The following MACROD2 variants were observed in gnomAD, a reference collection of about 807,000 sequenced individuals.
The protein encoded by MACROD2 is mono-ADP ribosylhydrolase 2.
Under a neutral mutation model 70.4 loss-of-function variants are expected in MACROD2, and 36 were observed. That is an observed-to-expected ratio of 0.51 (90% CI 0.39 to 0.68). MACROD2 has a LOEUF of 0.68. MACROD2 is among the 30% of genes least tolerant of loss of function. MACROD2 has a pLI of 0.00. For missense variants in MACROD2, 496 were observed against 538.4 expected, an observed-to-expected ratio of 0.92 and a Z score of 0.78; for synonymous variants, 172 against 178.8, an observed-to-expected ratio of 0.96 and a Z score of 0.30.
At chr20:15,037,025 G>A (rs534511991) in intron 5 of MACROD2, among the ~76,000 whole-genome samples, 1 of 151,758 alleles carries the variant, frequency 6.6e-6, no homozygotes, top group Non-Finnish European at 1.5e-5. Flanking sequence ...ATTAAAAATT[G>A]GTCTTTTTAT....
chr20:14,363,505 T>G (rs2083242593), intron 3 of MACROD2, among the ~76,000 whole-genome samples: 2 of 152,174 alleles, frequency 1.3e-5, no homozygotes, highest in Non-Finnish European at 2.9e-5. Flanking sequence ...TTCAATTCTC[T>G]TTTCCTTCTT....
chr20:14,456,497 A>C (rs2084303648), intron 3 of MACROD2, among the ~76,000 whole-genome samples: 1 of 151,776 alleles, frequency 6.6e-6, no homozygotes, highest in Admixed American at 6.5e-5. Flanking sequence ...ATATTTTGGG[A>C]ATCAGCCCTC....
intron 3 of MACROD2, among the ~76,000 whole-genome samples, chr20:14,124,931 A>G (rs903966394): frequency 6.6e-6 from 1 of 152,152 alleles, no homozygotes; most frequent in African/African-American, 2.4e-5. Context: ...ATGGATACAC[A>G]AAATGTGGTC....
At chr20:15,176,846 C>G (rs1020739882) in intron 5 of MACROD2, among the ~76,000 whole-genome samples, 1 of 152,200 alleles carries the variant, frequency 6.6e-6, no homozygotes, top group Non-Finnish European at 1.5e-5. Context: ...CCTAGGGAAT[C>G]CCCTAGCCAG....
chr20:14,561,092 G>A (rs2123291157), intron 4 of MACROD2, among the ~76,000 whole-genome samples: 1 of 151,884 alleles, frequency 6.6e-6, no homozygotes, highest in East Asian at 1.9e-4. Flanking sequence ...CCTAGACTCT[G>A]GGAGACTTAT....
At chr20:15,890,565 G>A (rs189376012) in intron 10 of MACROD2, among the ~76,000 whole-genome samples, 7 of 152,234 alleles carry the variant, frequency 4.6e-5, no homozygotes, top group East Asian at 3.9e-4. Context: ...TCTTGCACCT[G>A]GTGACAGAAG....
rs763437016 is a variant in MACROD2 at position 14,326,126 on chromosome 20, G to A, written c.272-167353G>A. ...AGGGCTGTGACCAAGTACTCACTGCGTTCCCCTGTTACAATTGTTTCTGTT... is the reference window on the plus strand; with the variant it reads ...AGGGCTGTGACCAAGTACTCACTGCATTCCCCTGTTACAATTGTTTCTGTT... On this transcript the variant is annotated intron_variant, in intron 3 of 17. Coordinates refer to ENST00000684519, the MANE Select transcript of MACROD2 (RefSeq NM_001351661.2). This position sits in a 1 kb window ranked among gnomAD's most constrained non-coding sequence, Gnocchi z 5.5. 3.1e-5 allele frequency: 50 copies of A among 1,613,712 alleles called. No individual in the cohort carries two copies. In the Admixed American group the frequency reaches 4.0e-4, roughly 13 times the overall value.
chr20:14,862,206 AATAT>A (rs547904578), intron 5 of MACROD2, among the ~76,000 whole-genome samples: 549 of 14,346 alleles, frequency 0.038, 29 homozygotes, highest in Non-Finnish European at 0.047. Flanking sequence ...TAAATATATA[AATAT>A]ATATATATAT....
chr20:14,769,501 A>T (rs1354043495), intron 5 of MACROD2, among the ~76,000 whole-genome samples: 1 of 152,106 alleles, frequency 6.6e-6, no homozygotes, highest in Non-Finnish European at 1.5e-5. Flanking sequence ...CAGAACAATG[A>T]TACACTGCTC....
chr20:15,224,947 G>A (rs765965244), intron 5 of MACROD2, among the ~76,000 whole-genome samples: 4 of 145,126 alleles, frequency 2.8e-5, no homozygotes, highest in African/African-American at 7.6e-5. Context: ...GCAACAGAGC[G>A]AGACTTTGTC....
chr20:14,193,732 A>G (rs1372923597), intron 3 of MACROD2, among the ~76,000 whole-genome samples: 1 of 151,968 alleles, frequency 6.6e-6, no homozygotes, highest in Non-Finnish European at 1.5e-5. Context: ...AAATACCCTG[A>G]CCCTTTTCTC....
chr20:14,534,756 G>A (rs907172262), intron 4 of MACROD2, among the ~76,000 whole-genome samples: 5 of 150,762 alleles, frequency 3.3e-5, no homozygotes, highest in Non-Finnish European at 7.4e-5. Context: ...ATAAAAGACA[G>A]TTACTAAAGA....
chr20:15,335,584 T>G (rs1261576937), intron 6 of MACROD2, among the ~76,000 whole-genome samples: 3 of 151,702 alleles, frequency 2.0e-5, no homozygotes, highest in Admixed American at 2.0e-4. Context: ...ATGTAAATAT[T>G]ATAATAAATA....
intron 3 of MACROD2, among the ~76,000 whole-genome samples, chr20:14,464,308 T>C (rs1371031910): frequency 6.6e-6 from 1 of 152,166 alleles, no homozygotes; most frequent in Non-Finnish European, 1.5e-5. Flanking sequence ...CTAGATTTTC[T>C]AGTTTATTTG....
intron 4 of MACROD2, among the ~76,000 whole-genome samples, chr20:14,659,182 A>G (rs1027930882): frequency 7.2e-5 from 11 of 152,204 alleles, no homozygotes; most frequent in African/African-American, 2.4e-4. Flanking sequence ...AATATACCAC[A>G]TATCAAGAGA....
chr20:14,358,097 T>G (rs758753996), intron 3 of MACROD2, among the ~76,000 whole-genome samples: 93 of 152,198 alleles, frequency 6.1e-4, no homozygotes, highest in Non-Finnish European at 2.5e-4. Flanking sequence ...ATTTAAGGTT[T>G]GAGGCAAAAA....
chr20:14,318,094 A>C (rs535480912), intron 3 of MACROD2, among the ~76,000 whole-genome samples: 1 of 152,316 alleles, frequency 6.6e-6, no homozygotes, highest in East Asian at 1.9e-4. Flanking sequence ...TTAAAATGCG[A>C]GTTTCCAGCA....
chr20:14,180,537 T>C (rs959243686), intron 3 of MACROD2, among the ~76,000 whole-genome samples: 1 of 152,204 alleles, frequency 6.6e-6, no homozygotes, highest in African/African-American at 2.4e-5. Flanking sequence ...TAAAAACTTA[T>C]ACGAATTTTT....
intron 3 of MACROD2, among the ~76,000 whole-genome samples, chr20:14,448,721 C>T (rs2084212397): frequency 6.6e-6 from 1 of 151,916 alleles, no homozygotes; most frequent in Admixed American, 6.6e-5. Context: ...ACAAACATAA[C>T]ATTGACTTTG....
Sources: gnomAD v4.1 joint callset for allele counts (sites outside exome capture counted in the v4.1 genomes callset) on GRCh38, gnomAD v4.1.1 for gene constraint, Gnocchi (gnomAD v3.1) non-coding constraint, MANE v1.5 for transcripts, NCBI Gene and HGNC (gene_info 2026-07-23, HGNC 2026-07-21) for gene names.